The following DGKB variants were observed in gnomAD, a reference collection of about 807,000 sequenced individuals.
The protein encoded by DGKB is 90 kDa diacylglycerol kinase.
In DGKB, 67 loss-of-function variants were observed where a neutral mutation model predicts 114.3. That is an observed-to-expected ratio of 0.59 (90% CI 0.48 to 0.72). The LOEUF (loss-of-function observed/expected upper bound fraction) is 0.72. Among genes scored for constraint, DGKB ranks in the 30% least tolerant of loss-of-function variants. The pLI, the probability that DGKB is intolerant of heterozygous loss-of-function variation, is 0.00. For missense variants in DGKB, 907 were observed against 975.2 expected (o/e 0.93, Z 0.93); for synonymous variants, 398 against 323.1 (o/e 1.23, Z -2.49).
intron 21 of DGKB, among the ~76,000 whole-genome samples, chr7:14,354,001 T>C (rs911009248): frequency 6.6e-6 from 1 of 152,228 alleles, no homozygotes; most frequent in African/African-American, 2.4e-5. Context: ...AGATATTTTA[T>C]CACTGTCAAT....
intron 23 of DGKB, among the ~76,000 whole-genome samples, chr7:14,278,194 T>G (rs915565750): frequency 2.6e-5 from 4 of 152,082 alleles, no homozygotes; most frequent in African/African-American, 9.7e-5. Flanking sequence ...ACATCAATCT[T>G]GAGTAAAAAG....
chr7:14,372,765 T>C (rs1348801432), intron 21 of DGKB, among the ~76,000 whole-genome samples: 1 of 152,184 alleles, frequency 6.6e-6, no homozygotes, highest in Non-Finnish European at 1.5e-5. Flanking sequence ...ATAAATAGTA[T>C]AAATGGCTAT....
intron 25 of DGKB, 76 bp downstream of exon 25, chr7:14,176,763 C>A: frequency 6.4e-7 from 1 of 1,552,272 alleles, no homozygotes; most frequent in South Asian, 1.2e-5. Flanking sequence ...AGAAAAAAAT[C>A]AGTTATTGTG....
At chr7:14,847,087 G>A (rs1236500398) in intron 1 of DGKB, among the ~76,000 whole-genome samples, 7 of 151,998 alleles carry the variant, frequency 4.6e-5, no homozygotes, top group South Asian at 2.1e-4. Flanking sequence ...TCAGGAGATC[G>A]AGACCATCCT....
At chr7:14,871,232 A>T (rs1175937685) in intron 1 of DGKB, among the ~76,000 whole-genome samples, 1 of 152,206 alleles carries the variant, frequency 6.6e-6, no homozygotes, top group Non-Finnish European at 1.5e-5. Flanking sequence ...ATCACCGCAT[A>T]TATGTATCAT....
chr7:14,237,803 C>T (rs1034810), intron 23 of DGKB, among the ~76,000 whole-genome samples: 98,775 of 151,644 alleles, frequency 0.65, 32,689 homozygotes, highest in African/African-American at 0.77. Flanking sequence ...AAAAACAAGA[C>T]GTTTGTTTTT....
chr7:14,894,495 T>A (rs780341013), intron 1 of DGKB, among the ~76,000 whole-genome samples: 27 of 151,466 alleles, frequency 1.8e-4, no homozygotes, highest in Non-Finnish European at 3.0e-4. Context: ...GACAAATACA[T>A]CAAATCTAAC....
At chr7:14,331,341 A>G (rs543212246) in intron 23 of DGKB, among the ~76,000 whole-genome samples, 2 of 152,084 alleles carry the variant, frequency 1.3e-5, no homozygotes, top group Admixed American at 1.3e-4. Context: ...TCTTGTTTCC[A>G]AATTTAATTG....
chr7:14,169,393 A>G (rs1780504394), intron 25 of DGKB, among the ~76,000 whole-genome samples: 1 of 151,650 alleles, frequency 6.6e-6, no homozygotes, highest in African/African-American at 2.4e-5. Context: ...AGAAATGCAA[A>G]CCATGAGTCC....
chr7:14,356,793 G>A (rs1419484686), intron 21 of DGKB, among the ~76,000 whole-genome samples: 1 of 152,144 alleles, frequency 6.6e-6, no homozygotes, highest in African/African-American at 2.4e-5. Flanking sequence ...ATTCTGGTAT[G>A]TTGTGTCTTT....
chr7:14,384,420 T>C (rs979334923), intron 21 of DGKB, among the ~76,000 whole-genome samples: 1 of 152,212 alleles, frequency 6.6e-6, no homozygotes, highest in African/African-American at 2.4e-5. Context: ...GCTTTCACTC[T>C]ATATCGGCAG....
chr7:14,409,267 A>G (rs980431221), intron 21 of DGKB, among the ~76,000 whole-genome samples: 2 of 152,108 alleles, frequency 1.3e-5, no homozygotes, highest in African/African-American at 2.4e-5. Context: ...GTAGCACAGT[A>G]AAAAGCCATC....
At chr7:14,780,630 G>T (rs1215164715) in intron 2 of DGKB, among the ~76,000 whole-genome samples, 1 of 136,110 alleles carries the variant, frequency 7.3e-6, no homozygotes, top group East Asian at 2.3e-4. Flanking sequence ...ATGTTCCACA[G>T]ATTTTTTTTT....
At chr7:14,719,204 A>G (rs1249932457) in intron 5 of DGKB, among the ~76,000 whole-genome samples, 1 of 152,188 alleles carries the variant, frequency 6.6e-6, no homozygotes, top group African/African-American at 2.4e-5. Context: ...TTTACCATCA[A>G]GGGACTTGCC....
At chr7:14,311,983 C>G (rs779225374) in intron 23 of DGKB, among the ~76,000 whole-genome samples, 1 of 148,606 alleles carries the variant, frequency 6.7e-6, no homozygotes, top group African/African-American at 2.5e-5. Context: ...GACAGTAACA[C>G]CAATTGCTGT....
chr7:14,564,721 G>A (rs935687644), intron 20 of DGKB, among the ~76,000 whole-genome samples: 1 of 151,886 alleles, frequency 6.6e-6, no homozygotes, highest in Non-Finnish European at 1.5e-5. Context: ...CTTCTTAGCA[G>A]CTTTCTATTT....
intron 23 of DGKB, among the ~76,000 whole-genome samples, chr7:14,329,392 T>G (rs1585162439): frequency 6.6e-6 from 1 of 152,022 alleles, no homozygotes; most frequent in African/African-American, 2.4e-5. Context: ...CTGGTATAAC[T>G]TTAAATTGCT....
chr7:14,508,652 C>A (rs2128970445), intron 20 of DGKB, among the ~76,000 whole-genome samples: 1 of 152,238 alleles, frequency 6.6e-6, no homozygotes, highest in South Asian at 2.1e-4. Flanking sequence ...AAGGACAATT[C>A]CTATTAAATC....
chr7:14,171,435 T>A lies in DGKB; in HGVS notation c.2304+5404A>T, dbSNP rs114918480. Among the ~76,000 whole-genome samples, 617 of 152,344 alleles carry A rather than the reference T, an allele frequency of 4.1e-3. 5 individuals are homozygous for A. Among genetic ancestry groups the A allele is most frequent in the African/African-American group, 0.014 (587 of 41,584 alleles). ...AAAATCTTGTTGGCACTACTTTTCATAAATGTGTCATGAGTAATAATACAT... is the reference window on the plus strand; with the variant it reads ...AAAATCTTGTTGGCACTACTTTTCAAAAATGTGTCATGAGTAATAATACAT... On this transcript the variant is annotated intron_variant, in intron 25 of 25. Transcript: ENST00000402815.
Sources: allele counts gnomAD v4.1 joint callset (sites outside exome capture counted in the v4.1 genomes callset), GRCh38; gene constraint gnomAD v4.1.1; transcripts MANE v1.5; gene names NCBI Gene and HGNC (gene_info 2026-07-23, HGNC 2026-07-21).